The following CACNA2D1 variants were observed in gnomAD, a reference collection of about 807,000 sequenced individuals.
The protein encoded by CACNA2D1 is voltage-dependent calcium channel subunit alpha-2/delta-1.
A neutral mutation model predicts 171.5 loss-of-function variants in CACNA2D1; 53 were observed. The ratio of observed to expected loss-of-function variants is 0.31; its 90% CI spans 0.25 to 0.39. The LOEUF is 0.39. Ranked by LOEUF, CACNA2D1 falls within the 10% of genes least tolerant of loss-of-function variation. The probability of loss-of-function intolerance (pLI) is 1.00; values close to 1 mark genes in which losing one functional copy is unlikely to be tolerated. For synonymous variants in CACNA2D1, 442 were observed against 443.1 expected (o/e 1.00, Z 0.03); for missense variants, 903 against 1,299.8 (o/e 0.69, Z 4.69).
At chr7:82,205,551 T>C (rs1038222980) in intron 3 of CACNA2D1, among the ~76,000 whole-genome samples, 3 of 137,898 alleles carry the variant, frequency 2.2e-5, no homozygotes, top group Admixed American at 7.2e-5. Context: ...AATTACCTTT[T>C]TAAAAAAAAA....
chr7:82,239,206 C>T lies in CACNA2D1; in HGVS notation c.295-68597G>A, dbSNP rs370951647. Among the ~76,000 whole-genome samples the T allele has an allele frequency of 1.6e-3, 241 of 151,888 alleles. 7 individuals carry two copies. In the South Asian group the frequency reaches 0.048, roughly 31 times the overall value. ...AAGAAAATAAGAATATGAATCAGTA[C>T]GCTCATTGGTAAATGGCTAGATCTT... On this transcript the variant is annotated intron_variant, in intron 3 of 38. Coordinates refer to ENST00000356860, the MANE Select transcript of CACNA2D1 (RefSeq NM_000722.4).
Position 82,038,188 on chromosome 7 carries a change from T to C in CACNA2D1, c.927A>G (p.Gln309=), listed in dbSNP as rs769860548. ...QDVSCFQHLV[Q]ANVRNKKVLK... The stretch of plus-strand genomic sequence containing the variant: ...ACACTTTTTTATTTCTTACATTTGC[T>C]TGGACAAGGTGCTGAAAACAGCTTA... The change falls in exon 11 of 39, where the codon CAA becomes CAG. Residue 309 remains glutamine, a synonymous_variant. Transcript: ENST00000356860. 1.2e-6 allele frequency: 2 copies of C among 1,613,790 alleles called. No homozygotes were observed. Among genetic ancestry groups the C allele is most frequent in the East Asian group, 2.2e-5 (1 of 44,834 alleles).
rs1050909397 is a variant in CACNA2D1, at chr7:82,182,736, G to T, written c.295-12127C>A. 2.6e-5 allele frequency among the ~76,000 whole-genome samples: 4 copies of T among 152,042 alleles called. No individual in the cohort carries two copies. In the South Asian group the frequency reaches 6.2e-4, roughly 24 times the overall value. On this transcript the variant is annotated intron_variant, in intron 3 of 38. Transcript: ENST00000356860. ...AAGCTTGCATATGCATATATGAAAT[G>T]AGATGAATAAAAATTGATTGCCCAG...
At chr7:82,409,024 C>CT (rs575034438) in intron 1 of CACNA2D1, among the ~76,000 whole-genome samples, 4,432 of 146,114 alleles carry the variant, frequency 0.03, 188 homozygotes, top group African/African-American at 0.096. Flanking sequence ...AGTTGTCACT[C>CT]TTTTTTTTTT....
At chr7:82,140,391 T>C (rs1219151572) in intron 4 of CACNA2D1, among the ~76,000 whole-genome samples, 1 of 152,186 alleles carries the variant, frequency 6.6e-6, no homozygotes, top group African/African-American at 2.4e-5. Flanking sequence ...ATGCTTTTCT[T>C]TCCCAAACCC....
chr7:81,951,971 T>TTTTTTTTTTTTTTTTTTG (rs1792604754), intron 38 of CACNA2D1, among the ~76,000 whole-genome samples: 1 of 130,752 alleles, frequency 7.6e-6, no homozygotes, highest in African/African-American at 2.8e-5. Context: ...TACAAAGTGT[T>TTTTTTTTTTTTTTTTTTG]TTTTTTTTTT....
At chr7:82,321,154 T>C (rs949682270) in intron 3 of CACNA2D1, among the ~76,000 whole-genome samples, 2 of 152,124 alleles carry the variant, frequency 1.3e-5, no homozygotes, top group African/African-American at 4.8e-5. Context: ...ACCCCAGCAC[T>C]TTGGGAGGCC....
At chr7:82,186,911 G>T (rs1283711744) in intron 3 of CACNA2D1, among the ~76,000 whole-genome samples, 1 of 152,084 alleles carries the variant, frequency 6.6e-6, no homozygotes, top group Non-Finnish European at 1.5e-5. Context: ...CGATAACAAT[G>T]TAAAATATTG....
At chr7:82,119,104 T>C (rs1789416661) in intron 5 of CACNA2D1, among the ~76,000 whole-genome samples, 1 of 152,150 alleles carries the variant, frequency 6.6e-6, no homozygotes, top group South Asian at 2.1e-4. Flanking sequence ...ATGTCTCATG[T>C]AGTAATTAAC....
chr7:82,139,347 T>C (rs1407488875), intron 4 of CACNA2D1, among the ~76,000 whole-genome samples: 1 of 152,202 alleles, frequency 6.6e-6, no homozygotes, highest in Non-Finnish European at 1.5e-5. Flanking sequence ...AGTATTGATA[T>C]AAACTAAGTA....
intron 3 of CACNA2D1, among the ~76,000 whole-genome samples, chr7:82,291,418 A>G (rs1811555837): frequency 7.3e-6 from 1 of 136,950 alleles, no homozygotes; most frequent in South Asian, 2.2e-4. Flanking sequence ...TATAATATCT[A>G]GATATATAAT....
intron 9 of CACNA2D1, 110 bp downstream of exon 9, chr7:82,064,194 C>CT: frequency 1.5e-6 from 1 of 647,752 alleles, no homozygotes; most frequent in Non-Finnish European, 2.7e-6. Flanking sequence ...CATAATTTTT[C>CT]TTTGTTTCTT....
chr7:82,190,650 A>G (rs1410778782), intron 3 of CACNA2D1, among the ~76,000 whole-genome samples: 1 of 151,666 alleles, frequency 6.6e-6, no homozygotes, highest in Non-Finnish European at 1.5e-5. Context: ...ATTTTTTTTG[A>G]TAGAGCTTTG....
chr7:82,359,958 C>T (rs1218560869), intron 1 of CACNA2D1, among the ~76,000 whole-genome samples: 7 of 152,072 alleles, frequency 4.6e-5, no homozygotes, highest in Admixed American at 3.9e-4. Flanking sequence ...AGGTAGATAC[C>T]GTTATTAGTC....
intron 3 of CACNA2D1, among the ~76,000 whole-genome samples, chr7:82,251,189 C>A (rs1012915922): frequency 6.6e-6 from 1 of 152,108 alleles, no homozygotes; most frequent in Non-Finnish European, 1.5e-5. Flanking sequence ...AGCCAGAAAT[C>A]ACCTGCTTCT....
At chr7:82,238,223 T>C (rs1345405234) in intron 3 of CACNA2D1, among the ~76,000 whole-genome samples, 2 of 152,052 alleles carry the variant, frequency 1.3e-5, no homozygotes, top group Non-Finnish European at 2.9e-5. Context: ...TACCCACACT[T>C]TCTCATGCTA....
chr7:82,035,372 G>C (rs924670506), intron 11 of CACNA2D1, among the ~76,000 whole-genome samples: 1 of 151,436 alleles, frequency 6.6e-6, no homozygotes, highest in Non-Finnish European at 1.5e-5. Flanking sequence ...TGGCATTTGA[G>C]CAATAAGATG....
At chr7:82,288,136 G>A (rs2368017) in intron 3 of CACNA2D1, among the ~76,000 whole-genome samples, 47,437 of 151,692 alleles carry the variant, frequency 0.31, 8,203 homozygotes, top group Non-Finnish European at 0.39. Context: ...CACCGCGCCC[G>A]GCCCCAAGTT....
intron 3 of CACNA2D1, among the ~76,000 whole-genome samples, chr7:82,272,425 G>A (rs1304901032): frequency 2.0e-5 from 3 of 152,100 alleles, no homozygotes; most frequent in Non-Finnish European, 4.4e-5. Context: ...TCAAGTGGTC[G>A]GCTGGATACA....
Sources: allele counts gnomAD v4.1 joint callset (sites outside exome capture counted in the v4.1 genomes callset), GRCh38; gene constraint gnomAD v4.1.1; transcripts MANE v1.5; gene names NCBI Gene and HGNC (gene_info 2026-07-23, HGNC 2026-07-21).